LIMCH1: variants seen among roughly 807,000 people sequenced by gnomAD.
LIMCH1 encodes LIM and calponin homology domains-containing protein 1.
LIMCH1 carries 113 observed loss-of-function variants against 176.5 expected under a neutral mutation model. That is an observed-to-expected ratio of 0.64 (90% CI 0.55 to 0.75). The LOEUF (loss-of-function observed/expected upper bound fraction) is 0.75, where lower values mean the gene tolerates loss of function less well. LIMCH1 is among the 30% of genes least tolerant of loss of function. The pLI is 0.00. For missense variants in LIMCH1, 1,674 were observed against 1,814.9 expected, an observed-to-expected ratio of 0.92 and a Z score of 1.41; for synonymous variants, 619 against 645.9, an observed-to-expected ratio of 0.96 and a Z score of 0.63.
chr4:41,374,030 C>T (rs2054361991), intron 1 of LIMCH1, among the ~76,000 whole-genome samples: 1 of 152,190 alleles, frequency 6.6e-6, no homozygotes, highest in African/African-American at 2.4e-5. Flanking sequence ...GCCATGCTTC[C>T]TGTAGAGCCT....
chr4:41,692,521 T>TA (rs1414851659), intron 31 of LIMCH1, 137 bp downstream of exon 31: 3 of 597,250 alleles, frequency 5.0e-6, no homozygotes, highest in Non-Finnish European at 9.0e-6. Flanking sequence ...ACATCTAGGT[T>TA]AAAAAAGAAA....
rs566311880 is a variant in LIMCH1 at position 41,371,598 on chromosome 4, G to A, written c.96+10662G>A. 2.6e-4 allele frequency among the ~76,000 whole-genome samples: 39 copies of A among 152,170 alleles called. 1 individual carries two copies. The South Asian group carries it at 7.5e-3, about 29-fold the overall frequency. On this transcript the variant is annotated intron_variant, in intron 1 of 26. Coordinates refer to the LIMCH1 transcript ENST00000313860. Reference sequence around the variant, plus strand: ...CTGCCAGGCACCGTTAGTTCTTTGCGTATGGTATTCTGTTTAGTCTTTGTG... The same window carrying A: ...CTGCCAGGCACCGTTAGTTCTTTGCATATGGTATTCTGTTTAGTCTTTGTG...
intron 1 of LIMCH1, among the ~76,000 whole-genome samples, chr4:41,574,351 T>A (rs947671099): frequency 6.8e-6 from 1 of 146,886 alleles, no homozygotes; most frequent in Non-Finnish European, 1.5e-5. Flanking sequence ...TGGAGTGCAG[T>A]GGCACAATCT....
At chr4:41,648,467 G>A (rs1411296008) in intron 17 of LIMCH1, among the ~76,000 whole-genome samples, 1 of 152,160 alleles carries the variant, frequency 6.6e-6, no homozygotes, top group East Asian at 1.9e-4. Context: ...TAGAGCTGGA[G>A]ATTACTCCTC....
chr4:41,688,548 T>C (rs1722772145), intron 29 of LIMCH1, among the ~76,000 whole-genome samples: 1 of 152,232 alleles, frequency 6.6e-6, no homozygotes, highest in African/African-American at 2.4e-5. Flanking sequence ...TTCCTTTCTG[T>C]TTCTCCTGTC....
At chr4:41,592,390 A>G (rs2087774124) in intron 1 of LIMCH1, among the ~76,000 whole-genome samples, 1 of 152,182 alleles carries the variant, frequency 6.6e-6, no homozygotes, top group Non-Finnish European at 1.5e-5. Context: ...CCTGCCCCTA[A>G]ATTTGAGGCT....
intron 1 of LIMCH1, among the ~76,000 whole-genome samples, chr4:41,475,952 T>C (rs897842663): frequency 5.3e-5 from 8 of 152,238 alleles, no homozygotes; most frequent in Non-Finnish European, 1.2e-4. Flanking sequence ...GTGAGTGTTT[T>C]AACAATAACA....
chr4:41,538,775 C>A (rs1472920566), intron 1 of LIMCH1, among the ~76,000 whole-genome samples: 2 of 152,000 alleles, frequency 1.3e-5, no homozygotes, highest in Non-Finnish European at 2.9e-5. Flanking sequence ...TCACCTGAGC[C>A]CCTGTCACAT....
chr4:41,553,711 A>T (rs567306283), intron 1 of LIMCH1, among the ~76,000 whole-genome samples: 2 of 152,184 alleles, frequency 1.3e-5, no homozygotes, highest in Non-Finnish European at 2.9e-5. Context: ...TCAGTGGATC[A>T]GACTTCATGG....
chr4:41,389,399 G>A (rs2056933808), intron 1 of LIMCH1: 1 of 182,586 alleles, frequency 5.5e-6, no homozygotes, highest in South Asian at 1.3e-4. Context: ...AAACTCAGTA[G>A]AAATATCACT....
At chr4:41,524,462 C>A (rs142058044) in exon 3 of LIMCH1, 1 of 1,612,934 alleles carries the variant, frequency 6.2e-7, no homozygotes, top group Non-Finnish European at 8.5e-7. Flanking sequence ...AGATTGCCTA[C>A]CCCCATTGCA....
chr4:41,426,389 T>C (rs1422593748), intron 1 of LIMCH1, among the ~76,000 whole-genome samples: 6 of 152,348 alleles, frequency 3.9e-5, no homozygotes, highest in South Asian at 2.1e-4. Context: ...TGAGAAGTGT[T>C]TTTCTACATC....
intron 1 of LIMCH1, among the ~76,000 whole-genome samples, chr4:41,483,388 T>C (rs980219119): frequency 1.3e-5 from 2 of 152,068 alleles, no homozygotes; most frequent in African/African-American, 4.8e-5. Flanking sequence ...TGGCTATACA[T>C]AGGAGTGGGA....
At chr4:41,377,313 A>T (rs1380948234) in intron 1 of LIMCH1, among the ~76,000 whole-genome samples, 4 of 152,144 alleles carry the variant, frequency 2.6e-5, no homozygotes, top group Admixed American at 1.3e-4. Context: ...GGTGCACCAG[A>T]ACCCAGCCAA....
At chr4:41,524,300 A>G in intron 2 of LIMCH1, 1 of 840,408 alleles carries the variant, frequency 1.2e-6, no homozygotes, top group African/African-American at 1.7e-5. Flanking sequence ...TATGCTTTAA[A>G]TTCACTGCTT....
intron 1 of LIMCH1, among the ~76,000 whole-genome samples, chr4:41,395,120 A>G (rs1019503633): frequency 6.6e-6 from 1 of 152,238 alleles, no homozygotes; most frequent in African/African-American, 2.4e-5. Flanking sequence ...AATTTAAGCA[A>G]AATAATTTGA....
intron 2 of LIMCH1, among the ~76,000 whole-genome samples, chr4:41,498,134 G>A (rs1415803079): frequency 2.0e-5 from 3 of 152,268 alleles, no homozygotes; most frequent in South Asian, 2.1e-4. Flanking sequence ...TGAAAGGGTC[G>A]GAGGCTGTGG....
chr4:41,679,948 A>G, intron 23 of LIMCH1, 58 bp from the exon 24 acceptor site: 1 of 1,186,172 alleles, frequency 8.4e-7, no homozygotes, highest in Non-Finnish European at 1.2e-6. Context: ...AGGGGGGAAA[A>G]TTCCCGATGA....
intron 2 of LIMCH1, among the ~76,000 whole-genome samples, chr4:41,603,296 CAT>C (rs2090238927): frequency 6.6e-6 from 1 of 152,084 alleles, no homozygotes; most frequent in African/African-American, 2.4e-5. Context: ...AGAGAGTAAA[CAT>C]GGGTGCATAT....
Sources: allele counts gnomAD v4.1 joint callset (sites outside exome capture counted in the v4.1 genomes callset), GRCh38; gene constraint gnomAD v4.1.1; transcripts MANE v1.5; gene names NCBI Gene and HGNC (gene_info 2026-07-23, HGNC 2026-07-21).